Variants in CHCHD6 observed in about 807,000 individuals in gnomAD.
CHCHD6 encodes coiled-coil-helix-coiled-coil-helix domain containing 6, also known as MICOS complex subunit MIC25.
A neutral mutation model predicts 32.3 loss-of-function variants in CHCHD6; 28 were observed. The observed-to-expected ratio is 0.87, with a 90% confidence interval of 0.64 to 1.19. The LOEUF (loss-of-function observed/expected upper bound fraction) is 1.19. Among genes scored for constraint, CHCHD6 ranks in the 50% most tolerant of loss-of-function variants. The pLI is 0.00. For synonymous variants in CHCHD6, 122 were observed against 117.5 expected, an observed-to-expected ratio of 1.04 and a Z score of -0.25; for missense variants, 333 against 307.0, an observed-to-expected ratio of 1.08 and a Z score of -0.63.
chr3:126,769,736 C>A (rs1937510438), intron 4 of CHCHD6, among the ~76,000 whole-genome samples: 1 of 152,164 alleles, frequency 6.6e-6, no homozygotes, highest in Admixed American at 6.5e-5. Context: ...GAACTCCTGA[C>A]CTCAAGTGAT....
At chr3:126,875,910 TG>T (rs2077533721) in intron 5 of CHCHD6, among the ~76,000 whole-genome samples, 1 of 152,244 alleles carries the variant, frequency 6.6e-6, no homozygotes. Context: ...AGGAGAAATA[TG>T]GATCATCTCA....
intron 6 of CHCHD6, among the ~76,000 whole-genome samples, chr3:126,945,520 G>T (rs1026778623): frequency 5.3e-5 from 8 of 149,698 alleles, no homozygotes; most frequent in Non-Finnish European, 7.4e-5. Context: ...GACTTGGGAG[G>T]GGGGAGACTT....
Position 126,908,925 on chromosome 3 carries a change from G to A in CHCHD6, c.496-5755G>A, listed in dbSNP as rs535242845. Among the ~76,000 whole-genome samples, 46 of 152,342 alleles carry A rather than the reference G, an allele frequency of 3.0e-4. 1 individual carries two copies. The highest frequency in any genetic ancestry group is 1.1e-3 in the African/African-American group (45 of 41,574). On this transcript the variant is annotated intron_variant, in intron 5 of 7. Transcript: ENST00000290913. Reference sequence around the variant, plus strand: ...GACCCTTGCCTGTGGTTACACACCCGGAAGAGGTGGGTCCTGACCCTGCAC... The same window carrying A: ...GACCCTTGCCTGTGGTTACACACCCAGAAGAGGTGGGTCCTGACCCTGCAC...
intron 4 of CHCHD6, among the ~76,000 whole-genome samples, chr3:126,736,510 C>G (rs141576293): frequency 1.1e-4 from 16 of 152,342 alleles, no homozygotes; most frequent in South Asian, 4.1e-4. Flanking sequence ...CCACCCTGTT[C>G]ACTTGCCTCT....
rs537339493 is a variant in CHCHD6 at position 126,780,870 on chromosome 3, A to G, written c.411+47648A>G. Among the ~76,000 whole-genome samples the G allele has an allele frequency of 6.0e-4, 91 of 152,322 alleles. 1 individual carries two copies. Among genetic ancestry groups the G allele is most frequent in the Non-Finnish European group, 1.2e-3 (83 of 68,036 alleles). ...CAGACGAATGCTGATATAGTGTGCT[A>G]TTCCACCTGTGTCTGAGCAGATGGT... On this transcript the variant is annotated intron_variant, in intron 4 of 7. Coordinates refer to ENST00000290913, the MANE Select transcript of CHCHD6 (RefSeq NM_032343.3).
At chr3:126,802,184 C>T (rs1939113301) in intron 4 of CHCHD6, among the ~76,000 whole-genome samples, 1 of 152,160 alleles carries the variant, frequency 6.6e-6, no homozygotes, top group African/African-American at 2.4e-5. Flanking sequence ...AATGCAGTTC[C>T]TTACCAGCAA....
chr3:126,836,552 G>T (rs545811782), intron 4 of CHCHD6, among the ~76,000 whole-genome samples: 1 of 151,996 alleles, frequency 6.6e-6, no homozygotes, highest in Non-Finnish European at 1.5e-5. Flanking sequence ...CTCATTCATC[G>T]CAGGATCCCA....
At chr3:126,803,780 A>G (rs1368170770) in intron 4 of CHCHD6, among the ~76,000 whole-genome samples, 1 of 152,134 alleles carries the variant, frequency 6.6e-6, no homozygotes, top group South Asian at 2.1e-4. Context: ...GCACCACACC[A>G]CACCTATTCC....
chr3:126,709,292 G>A (rs747036663), intron 1 of CHCHD6, among the ~76,000 whole-genome samples: 5 of 152,092 alleles, frequency 3.3e-5, no homozygotes, highest in Admixed American at 6.6e-5. Flanking sequence ...CATTGATGTC[G>A]TAGTATATAT....
chr3:126,919,310 C>CTT (rs869129860), intron 6 of CHCHD6, among the ~76,000 whole-genome samples: 2 of 29,232 alleles, frequency 6.8e-5, no homozygotes, highest in African/African-American at 1.3e-4. Flanking sequence ...TATTTCTTTT[C>CTT]TTTTTTCTTT....
intron 5 of CHCHD6, among the ~76,000 whole-genome samples, chr3:126,908,460 G>GA (rs1290573248): frequency 2.6e-5 from 4 of 152,232 alleles, no homozygotes; most frequent in Non-Finnish European, 4.4e-5. Flanking sequence ...ACTAGGTCCT[G>GA]ATCATCTTTT....
At chr3:126,921,541 G>A in intron 6 of CHCHD6, among the ~76,000 whole-genome samples, 1 of 152,160 alleles carries the variant, frequency 6.6e-6, no homozygotes, top group Non-Finnish European at 1.5e-5. Flanking sequence ...TTCAGAATCT[G>A]TCTTGGCTTC....
At chr3:126,784,301 T>C (rs987493110) in intron 4 of CHCHD6, among the ~76,000 whole-genome samples, 1 of 152,206 alleles carries the variant, frequency 6.6e-6, no homozygotes, top group Non-Finnish European at 1.5e-5. Flanking sequence ...CTCTTTCCTA[T>C]TGAACTTTCT....
At chr3:126,950,997 C>T (rs143242271) in intron 6 of CHCHD6, among the ~76,000 whole-genome samples, 2 of 152,340 alleles carry the variant, frequency 1.3e-5, no homozygotes, top group East Asian at 3.9e-4. Flanking sequence ...AAGCTTGTCA[C>T]AGATGAAATT....
At chr3:126,711,908 G>A (rs1934764420) in intron 1 of CHCHD6, among the ~76,000 whole-genome samples, 1 of 152,210 alleles carries the variant, frequency 6.6e-6, no homozygotes, top group African/African-American at 2.4e-5. Context: ...ACTGTGTGCC[G>A]GTTTCTGGGC....
Position 126,842,194 on chromosome 3 carries a change from C to T in CHCHD6, c.412-10453C>T, listed in dbSNP as rs557968754. Among the ~76,000 whole-genome samples, 86 of 152,286 alleles carry T rather than the reference C, an allele frequency of 5.6e-4. 1 individual carries two copies. In the East Asian group the frequency reaches 0.013, roughly 23 times the overall value. Reference sequence around the variant, plus strand: ...ACTTAAGCCCAGGAGATCAAGGTCACGTCACGGGACATTTCTTGGAGTACA... The same window carrying T: ...ACTTAAGCCCAGGAGATCAAGGTCATGTCACGGGACATTTCTTGGAGTACA... On this transcript the variant is annotated intron_variant, in intron 4 of 7. Coordinates refer to ENST00000290913, the MANE Select transcript of CHCHD6 (RefSeq NM_032343.3).
chr3:126,859,892 A>G lies in CHCHD6; in HGVS notation c.495+7162A>G, dbSNP rs188462564. Among the ~76,000 whole-genome samples the G allele has an allele frequency of 2.0e-5, 3 of 152,338 alleles. No individual in the cohort carries two copies. In the East Asian group the frequency reaches 5.8e-4, roughly 29 times the overall value. ...TGAGGCCTCGCTCATGCTGGCGTGA[A>G]GGCCCCGTGAGCTGTGTTGAGGATG... On this transcript the variant is annotated intron_variant, in intron 5 of 7. Transcript: ENST00000290913.
intron 4 of CHCHD6, among the ~76,000 whole-genome samples, chr3:126,774,397 C>T (rs1277590921): frequency 5.9e-5 from 9 of 152,138 alleles, no homozygotes; most frequent in East Asian, 1.9e-4. Flanking sequence ...TCATATTTCC[C>T]TCAGAAGTTA....
intron 5 of CHCHD6, among the ~76,000 whole-genome samples, chr3:126,912,164 C>T (rs771651220): frequency 4.6e-5 from 7 of 152,196 alleles, no homozygotes; most frequent in Non-Finnish European, 1.0e-4. Flanking sequence ...CCAGCATATG[C>T]CAAAGCGCAA....
Sources: gnomAD v4.1 joint callset for allele counts (sites outside exome capture counted in the v4.1 genomes callset) on GRCh38, gnomAD v4.1.1 for gene constraint, MANE v1.5 for transcripts, NCBI Gene and HGNC (gene_info 2026-07-23, HGNC 2026-07-21) for gene names.